The following CACNA1D variants were observed in gnomAD, a reference collection of about 807,000 sequenced individuals.
CACNA1D encodes voltage-dependent L-type calcium channel subunit alpha-1D.
A neutral mutation model predicts 257.1 loss-of-function variants in CACNA1D; 55 were observed. The observed-to-expected ratio is 0.21, with a 90% CI of 0.17 to 0.27. The LOEUF (loss-of-function observed/expected upper bound fraction) is 0.27, where lower values mean the gene tolerates loss of function less well. Ranked by LOEUF, CACNA1D falls within the 10% of genes least tolerant of loss-of-function variation. The probability of loss-of-function intolerance (pLI) is 1.00; values close to 1 mark genes in which losing one functional copy is unlikely to be tolerated. For missense variants in CACNA1D, 1,876 were observed against 2,784.0 expected, an observed-to-expected ratio of 0.67 and a Z score of 7.34; for synonymous variants, 980 against 1,014.9, an observed-to-expected ratio of 0.97 and a Z score of 0.65.
chr3:53,680,609 T>G (rs2094421055), intron 8 of CACNA1D, among the ~76,000 whole-genome samples: 1 of 152,200 alleles, frequency 6.6e-6, no homozygotes, highest in African/African-American at 2.4e-5. Context: ...TTCATTACAG[T>G]GCTTTCATGC....
chr3:53,528,602 G>T (rs895699968), intron 3 of CACNA1D, among the ~76,000 whole-genome samples: 2 of 152,108 alleles, frequency 1.3e-5, no homozygotes, highest in Non-Finnish European at 2.9e-5. Flanking sequence ...AGATGACGTC[G>T]AATCTATAGG....
chr3:53,624,029 G>C (rs1003400172), intron 3 of CACNA1D, among the ~76,000 whole-genome samples: 8 of 152,198 alleles, frequency 5.3e-5, no homozygotes, highest in Non-Finnish European at 8.8e-5. Context: ...TCCTTCTGAT[G>C]AAAGTTACCC....
At chr3:53,788,747 C>G (rs1201812255) in intron 40 of CACNA1D, among the ~76,000 whole-genome samples, 1 of 152,092 alleles carries the variant, frequency 6.6e-6, no homozygotes, top group African/African-American at 2.4e-5. Context: ...GGGACCAGAA[C>G]TTGATAACTT....
At chr3:53,678,149 A>T (rs1016335177) in intron 8 of CACNA1D, among the ~76,000 whole-genome samples, 3 of 152,236 alleles carry the variant, frequency 2.0e-5, no homozygotes, top group Admixed American at 1.3e-4. Context: ...TATATATATA[A>T]TGACATAAGC....
chr3:53,649,551 A>G lies in CACNA1D; in HGVS notation c.484-1228A>G, dbSNP rs187553171. ...CACCTCCCCCCCACACCAACAGACT[A>G]AATGACAGGTACCATAGTGGGGACA... On this transcript the variant is annotated intron_variant, in intron 3 of 47. Coordinates refer to ENST00000350061, the MANE Select transcript of CACNA1D (RefSeq NM_001128840.3). 2.6e-5 allele frequency among the ~76,000 whole-genome samples: 4 copies of G among 152,152 alleles called. No homozygotes were observed. In the East Asian group the frequency reaches 7.8e-4, roughly 30 times the overall value.
intron 3 of CACNA1D, among the ~76,000 whole-genome samples, chr3:53,599,125 TCTTCTG>T (rs1362501780): frequency 6.6e-6 from 1 of 152,186 alleles, no homozygotes; most frequent in Admixed American, 6.5e-5. Context: ...TATATCAGGG[TCTTCTG>T]CAGTGACAGC....
chr3:53,798,314 T>TGC (rs2095517705), intron 40 of CACNA1D, among the ~76,000 whole-genome samples: 1 of 148,056 alleles, frequency 6.8e-6, no homozygotes, highest in Non-Finnish European at 1.5e-5. Flanking sequence ...TGTGCGTGTG[T>TGC]GTGTGTGTGT....
At chr3:53,749,797 A>C (rs1042409948) in intron 27 of CACNA1D, among the ~76,000 whole-genome samples, 1 of 152,234 alleles carries the variant, frequency 6.6e-6, no homozygotes, top group Admixed American at 6.5e-5. Context: ...ACTCACACAG[A>C]CATTCACAGT....
In CACNA1D at chr3:53,583,771, T is replaced by G. The variant is rs1294150611; in HGVS notation, c.484-67008T>G. Among the ~76,000 whole-genome samples, 3 of 152,358 alleles carry G rather than the reference T, an allele frequency of 2.0e-5. No individual in the cohort carries two copies. In the East Asian group the frequency reaches 5.8e-4, roughly 29 times the overall value. On this transcript the variant is annotated intron_variant, in intron 3 of 47. Transcript: ENST00000350061. ...AGTAGGTATGCAAGTTGCTGGCCCA[T>G]CAGAGAGCTGTAAGGTGCTGGAATG...
intron 3 of CACNA1D, among the ~76,000 whole-genome samples, chr3:53,609,273 G>A (rs542634470): frequency 8.5e-5 from 13 of 152,084 alleles, no homozygotes; most frequent in Admixed American, 3.3e-4. Flanking sequence ...AGCTGGGCAC[G>A]GTGGTGGGCA....
chr3:53,520,876 TTC>T (rs1296673476), intron 3 of CACNA1D, among the ~76,000 whole-genome samples: 3 of 81,934 alleles, frequency 3.7e-5, no homozygotes, highest in African/African-American at 7.5e-5. Flanking sequence ...CTTTCTTTCT[TTC>T]TTTCTTTCTT....
Position 53,801,139 on chromosome 3 carries a change from C to T in CACNA1D, c.5122C>T (p.His1708Tyr), listed in dbSNP as rs1304515329. ...RDSLQQTNTT[H>Y]RPLHVQRPSI... ...TTCCCTTCAGCAGACCAATACCACCCACCGTCCCCTGCATGTCCAAAGGCC... is the reference window on the plus strand; with the variant it reads ...TTCCCTTCAGCAGACCAATACCACCTACCGTCCCCTGCATGTCCAAAGGCC... Residue 1708 changes from histidine to tyrosine, a missense_variant, in exon 42 of 48, where the codon CAC becomes TAC. Physicochemically the swap from His to Tyr is moderately conservative, Grantham distance 83. This residue lies in a region of CACNA1D where 160 missense variants were observed against 236.6 expected (regional missense o/e 0.68). Coordinates refer to ENST00000350061, the MANE Select transcript of CACNA1D (RefSeq NM_001128840.3). 4.3e-6 allele frequency: 7 copies of T among 1,613,770 alleles called. No individual in the cohort carries two copies. The highest frequency in any genetic ancestry group is 5.9e-6 in the Non-Finnish European group (7 of 1,179,822).
At position 53,771,605 on chromosome 3, in the gene CACNA1D, G is replaced by T. The variant is rs184547943; in HGVS notation, c.4044+1053G>T. ...GCAGGTGAGCCTTGAACTTGCTAAG[G>T]CACAGAATCCTCGACAGTTATTATT... On this transcript the variant is annotated intron_variant, in intron 32 of 47. Coordinates refer to ENST00000350061, the MANE Select transcript of CACNA1D (RefSeq NM_001128840.3). 1.8e-3 allele frequency among the ~76,000 whole-genome samples: 276 copies of T among 152,314 alleles called. 2 individuals are homozygous for T. Among genetic ancestry groups the T allele is most frequent in the Middle Eastern group, 6.8e-3 (2 of 294 alleles).
At chr3:53,676,245 G>C (rs1286324103) in intron 8 of CACNA1D, among the ~76,000 whole-genome samples, 1 of 152,124 alleles carries the variant, frequency 6.6e-6, no homozygotes, top group African/African-American at 2.4e-5. Flanking sequence ...ACGATGGGCT[G>C]GCATGCCTCC....
chr3:53,615,013 A>G (rs746173103), intron 3 of CACNA1D, among the ~76,000 whole-genome samples: 5 of 152,254 alleles, frequency 3.3e-5, no homozygotes, highest in African/African-American at 7.2e-5. Flanking sequence ...AGAGAAGAAA[A>G]TGACTAACAC....
At chr3:53,629,566 A>T (rs2108105793) in intron 3 of CACNA1D, among the ~76,000 whole-genome samples, 1 of 152,330 alleles carries the variant, frequency 6.6e-6, no homozygotes, top group South Asian at 2.1e-4. Flanking sequence ...TGTTTCTGCT[A>T]GCAGCAGCAT....
At chr3:53,703,908 G>A (rs1482849680) in intron 9 of CACNA1D, among the ~76,000 whole-genome samples, 4 of 152,212 alleles carry the variant, frequency 2.6e-5, no homozygotes, top group South Asian at 2.1e-4. Context: ...CACCGCCGAC[G>A]AGGGATCGAG....
intron 8 of CACNA1D, among the ~76,000 whole-genome samples, chr3:53,701,484 T>C (rs1052305189): frequency 6.6e-6 from 1 of 152,078 alleles, no homozygotes; most frequent in Non-Finnish European, 1.5e-5. Context: ...TTGGGTTGGG[T>C]TGAGTTGGGT....
At chr3:53,770,054 T>A in intron 31 of CACNA1D, 37 bp downstream of exon 31, 1 of 1,530,720 alleles carries the variant, frequency 6.5e-7, no homozygotes, top group Non-Finnish European at 9.1e-7. Context: ...GCTGGGCCTT[T>A]TCCTTAAGTT....
Sources: gnomAD v4.1 joint callset for allele counts (sites outside exome capture counted in the v4.1 genomes callset) on GRCh38, gnomAD v4.1.1 for gene constraint, gnomAD v4.1.1 regional missense constraint, MANE v1.5 for transcripts, NCBI Gene and HGNC (gene_info 2026-07-23, HGNC 2026-07-21) for gene names.